Variants in PLA2G15 observed in about 807,000 individuals in gnomAD.
PLA2G15 encodes the protein phospholipase A2 group XV.
Under a neutral mutation model 40.9 loss-of-function variants are expected in PLA2G15, and 20 were observed. The observed-to-expected ratio is 0.49, with a 90% confidence interval of 0.34 to 0.71. The LOEUF (loss-of-function observed/expected upper bound fraction) is 0.71. Ranked by LOEUF, PLA2G15 falls within the 30% of genes least tolerant of loss-of-function variation. The pLI is 0.01. For missense variants in PLA2G15, 471 were observed against 541.9 expected, an observed-to-expected ratio of 0.87 and a Z score of 1.30; for synonymous variants, 223 against 228.2, an observed-to-expected ratio of 0.98 and a Z score of 0.21.
rs562399861 is a variant in PLA2G15, at chr16:68,255,098, T to C, written c.403+61T>C. The stretch of plus-strand genomic sequence containing the variant: ...GATGGGGTTTCTGCCGGACTGGAGC[T>C]GGAGCTGGAGGAACTCTGCTGGTTT... On this transcript the variant is annotated intron_variant, in intron 3 of 5. Coordinates refer to ENST00000219345, the MANE Select transcript of PLA2G15 (RefSeq NM_012320.4). The surrounding 1 kb of genome is among the most constrained non-coding windows in gnomAD (Gnocchi z 5.9). 3.4e-4 allele frequency: 406 copies of C among 1,194,380 alleles called. 10 individuals carry two copies. Among genetic ancestry groups the C allele is most frequent in the South Asian group, 2.2e-3 (183 of 82,084 alleles). 74.0% of individuals were successfully genotyped at this position (1,194,380 alleles called of 1,614,324 possible). A position where few individuals can be genotyped will look rare whatever the true frequency, so the allele number is the denominator to read the frequency against.
Position 68,249,369 on chromosome 16 carries a change from C to T in PLA2G15, c.207C>T (p.Thr69=), listed in dbSNP as rs1187531048. ...TGCACTACCTCTGCTCCAAGAAGACCGAAAGCTACTTCACAATCTGGCTGA... is the reference window on the plus strand; with the variant it reads ...TGCACTACCTCTGCTCCAAGAAGACTGAAAGCTACTTCACAATCTGGCTGA... ...TVVHYLCSKK[T]ESYFTIWLNL... The change falls in exon 2 of 6, where the codon ACC becomes ACT. Residue 69 remains threonine (T), a synonymous_variant. Transcript: ENST00000219345. 3.1e-6 allele frequency: 5 copies of T among 1,614,024 alleles called. No homozygotes were observed. The East Asian group carries it at 6.7e-5, about 22-fold the overall frequency.
intron 1 of PLA2G15, among the ~76,000 whole-genome samples, chr16:68,247,984 A>G (rs2151201419): frequency 6.6e-6 from 1 of 152,320 alleles, no homozygotes; most frequent in South Asian, 2.1e-4. Context: ...AGTTCTGAGT[A>G]CACTGAATAG....
Position 68,260,250 on chromosome 16 carries a change from G to C in PLA2G15, c.*593G>C, listed in dbSNP as rs1269020915. On this transcript the variant is annotated 3_prime_UTR_variant, in exon 6 of 6. Transcript: ENST00000219345. The stretch of plus-strand genomic sequence containing the variant: ...TAGCTCCTGCAGGCAGGGGCAGTTT[G>C]TTGCGTTCTTCGTGGTTCCCAGGCC... The C allele has an allele frequency of 6.5e-6, 1 of 154,616 alleles. No homozygotes were observed. The highest frequency in any genetic ancestry group is 1.4e-5 in the Non-Finnish European group (1 of 69,464). 9.6% of individuals were successfully genotyped at this position (154,616 alleles called of 1,614,324 possible).
Position 68,255,389 on chromosome 16 carries a change from G to C in PLA2G15, c.502+9G>C, listed in dbSNP as rs759021570. On this transcript the variant is annotated intron_variant, in intron 4 of 5. Transcript: ENST00000219345. The surrounding 1 kb of genome is among the most constrained non-coding windows in gnomAD (Gnocchi z 5.9). ...CTGGCGCCGAGCCCCAAGTAAGCAG[G>C]CACTCTCATTCCCTCCCTGACGTCT... 6.3e-7 allele frequency: 1 copy of C among 1,595,212 alleles called. No individual in the cohort carries two copies. The highest frequency in any genetic ancestry group is 1.1e-5 in the South Asian group (1 of 90,106).
rs1234425406 is a variant in PLA2G15, at chr16:68,259,500, G to A, written c.1082G>A (p.Gly361Asp). 1 of 1,613,222 alleles carries A rather than the reference G, an allele frequency of 6.2e-7. No individual in the cohort carries two copies. Among genetic ancestry groups the A allele is most frequent in the Non-Finnish European group, 8.5e-7 (1 of 1,180,040 alleles). ...AAAATCTGCTTTGGTGACGGCGATG[G>A]TACTGTGAACTTGAAGAGTGCCCTG... is the stretch of plus-strand genomic sequence containing the variant. ...DPKICFGDGD[G>D]TVNLKSALQC... Residue 361 changes from glycine to aspartate, a missense_variant, in exon 6 of 6, where the codon GGT (glycine) becomes GAT (aspartate). Transcript: ENST00000219345. The surrounding 1 kb of genome is among the most constrained non-coding windows in gnomAD (Gnocchi z 6.5).
chr16:68,246,987 A>G (rs916441104), intron 1 of PLA2G15, among the ~76,000 whole-genome samples: 11 of 152,098 alleles, frequency 7.2e-5, no homozygotes, highest in African/African-American at 2.7e-4. Context: ...ACAAAATGGC[A>G]CATAGCCATT....
Position 68,251,857 on chromosome 16 carries a change from C to CA in PLA2G15, c.284+2431dup, listed in dbSNP as rs57051096. On this transcript the variant is annotated intron_variant, in intron 2 of 5. Coordinates refer to ENST00000219345, the MANE Select transcript of PLA2G15 (RefSeq NM_012320.4). ...CCTGGGTGACAGAGCGAGACTGTCT[C>CA]AAAAAAAAAAAAAAAAAAAAGTTTT... Among the ~76,000 whole-genome samples the CA allele has an allele frequency of 9.9e-3, 761 of 76,696 alleles. 2 individuals are homozygous for CA. The highest frequency in any genetic ancestry group is 0.021 in the African/African-American group (476 of 22,548). The allele number at this position is 76,696 out of a possible 152,430, so 50.3% of individuals were successfully genotyped here. A position where few individuals can be genotyped will look rare whatever the true frequency, so the allele number is the denominator to read the frequency against.
At chr16:68,249,218 C>T (rs2042333888) in intron 1 of PLA2G15, 72 bp from the exon 2 acceptor site, 4 of 1,288,720 alleles carry the variant, frequency 3.1e-6, no homozygotes, top group Non-Finnish European at 4.4e-6. Context: ...GGGTCTGCTG[C>T]AGACATCAAA....
chr16:68,251,847 G>C (rs1482497535), intron 2 of PLA2G15, among the ~76,000 whole-genome samples: 1 of 146,192 alleles, frequency 6.8e-6, no homozygotes, highest in Admixed American at 6.8e-5. Flanking sequence ...GTGACAGAGC[G>C]AGACTGTCTC....
chr16:68,248,782 C>T (rs1312367317), intron 1 of PLA2G15: 22 of 880,816 alleles, frequency 2.5e-5, no homozygotes, highest in Non-Finnish European at 2.9e-5. Context: ...GGCAGAGCTC[C>T]CATCGGGGTC....
intron 5 of PLA2G15, chr16:68,258,828 C>T (rs746670767): frequency 3.5e-4 from 109 of 307,298 alleles, no homozygotes; most frequent in South Asian, 7.0e-4. Flanking sequence ...GGCATGGTGG[C>T]GCATACCTGT....
rs776328861 is a variant in PLA2G15 at position 68,255,380 on chromosome 16, A to G, written c.502A>G (p.Asn168Asp). The G allele has an allele frequency of 1.4e-5, 22 of 1,605,282 alleles. No homozygotes were observed. The highest frequency in any genetic ancestry group is 1.7e-5 in the Non-Finnish European group (20 of 1,174,106). ...GAPYDWRRAP[N>D]ENGPYFLALR... is the part of the protein sequence containing the mutation. ...TCCCTATGACTGGCGCCGAGCCCCA[A>G]GTAAGCAGGCACTCTCATTCCCTCC... The change falls in exon 4 of 6, where the codon AAT becomes GAT. Residue 168 changes from asparagine (N) to aspartate (D), a missense_variant and splice_region_variant. Transcript: ENST00000219345. The surrounding 1 kb of genome is among the most constrained non-coding windows in gnomAD (Gnocchi z 5.9).
chr16:68,252,974 A>C (rs2042367683), intron 2 of PLA2G15, among the ~76,000 whole-genome samples: 1 of 152,202 alleles, frequency 6.6e-6, no homozygotes, highest in African/African-American at 2.4e-5. Flanking sequence ...CCCTGTCTCA[A>C]AAAAGAAGAA....
chr16:68,259,947 T>A lies in PLA2G15; in HGVS notation c.*290T>A. 1 of 467,542 alleles carries A rather than the reference T, an allele frequency of 2.1e-6. No homozygotes were observed. The highest frequency in any genetic ancestry group is 3.9e-6 in the Non-Finnish European group (1 of 257,904). The allele number at this position is 467,542 out of a possible 1,614,324, so 29.0% of individuals were successfully genotyped here. ...TCCACAGGGTGGACTGGCTGGGCCC[T>A]GGTCCCAGTCCCTGCCTGGGGCCAT... is the stretch of plus-strand genomic sequence containing the variant. On this transcript the variant is annotated 3_prime_UTR_variant, in exon 6 of 6. Coordinates refer to ENST00000219345, the MANE Select transcript of PLA2G15 (RefSeq NM_012320.4). This position sits in a 1 kb window ranked among gnomAD's most constrained non-coding sequence, Gnocchi z 6.5.
intron 5 of PLA2G15, 29 bp downstream of exon 5, chr16:68,256,019 G>A: frequency 6.8e-7 from 1 of 1,464,010 alleles, no homozygotes; most frequent in Non-Finnish European, 9.4e-7. Context: ...CAGCGTGGGG[G>A]GCTGTTGCCA....
intron 1 of PLA2G15, among the ~76,000 whole-genome samples, chr16:68,246,436 G>A (rs1596940614): frequency 1.3e-5 from 2 of 152,206 alleles, no homozygotes; most frequent in South Asian, 2.1e-4. Context: ...TGAATTACAC[G>A]TGGAGTCTAG....
At chr16:68,250,229 G>A in intron 2 of PLA2G15, 2 of 269,214 alleles carry the variant, frequency 7.4e-6, no homozygotes, top group Non-Finnish European at 1.4e-5. Flanking sequence ...TGCCCAGGCT[G>A]GAGTGCAATG....
Position 68,255,459 on chromosome 16 carries a change from C to T in PLA2G15, c.502+79C>T. 1.0e-6 allele frequency: 1 copy of T among 975,794 alleles called. No homozygotes were observed. The highest frequency in any genetic ancestry group is 1.5e-6 in the Non-Finnish European group (1 of 650,946). 60.4% of individuals were successfully genotyped at this position (975,794 alleles called of 1,614,324 possible). ...GATCATGGGCACCACAGACCTTGGG[C>T]TCTCCCCTTGTCCTTGGCTGTCTCC... is the stretch of plus-strand genomic sequence containing the variant. On this transcript the variant is annotated intron_variant, in intron 4 of 5. Transcript: ENST00000219345. The surrounding 1 kb of genome is among the most constrained non-coding windows in gnomAD (Gnocchi z 5.9).
In PLA2G15 at chr16:68,255,782, C is replaced by T. The variant is rs535730646; in HGVS notation, c.519C>T (p.Tyr173=). The T allele has an allele frequency of 6.2e-7, 1 of 1,614,126 alleles. No homozygotes were observed. The highest frequency in any genetic ancestry group is 1.1e-5 in the South Asian group (1 of 91,086). Residue 173 remains tyrosine, a synonymous_variant, in exon 5 of 6, where the codon TAC becomes TAT. Coordinates refer to ENST00000219345, the MANE Select transcript of PLA2G15 (RefSeq NM_012320.4). This position sits in a 1 kb window ranked among gnomAD's most constrained non-coding sequence, Gnocchi z 5.9. The part of the protein sequence containing the change: ...WRRAPNENGP[Y]FLALREMIEE... ...GGCCTGCAGATGAAAACGGGCCCTA[C>T]TTCCTGGCCCTCCGCGAGATGATCG...
Sources: allele counts gnomAD v4.1 joint callset (sites outside exome capture counted in the v4.1 genomes callset), GRCh38; gene constraint gnomAD v4.1.1; non-coding constraint Gnocchi (gnomAD v3.1); transcripts MANE v1.5; gene names NCBI Gene and HGNC (gene_info 2026-07-23, HGNC 2026-07-21).